The following NXPE2 variants were observed in gnomAD, a reference collection of about 807,000 sequenced individuals.
NXPE2 encodes the protein NXPE family member 2.
In NXPE2, 34 loss-of-function variants were observed where a neutral mutation model predicts 34.4. The ratio of observed to expected loss-of-function variants is 0.99; its 90% CI spans 0.75 to 1.31. The LOEUF is 1.31. Among genes scored for constraint, NXPE2 ranks in the 40% most tolerant of loss-of-function variants. The pLI is 0.00. For missense variants in NXPE2, 649 were observed against 672.5 expected, an observed-to-expected ratio of 0.97 and a Z score of 0.39; for synonymous variants, 235 against 231.3, an observed-to-expected ratio of 1.02 and a Z score of -0.15.
the NXPE2 span, among the ~76,000 whole-genome samples, chr11:114,466,448 G>A: frequency 3.3e-5 from 5 of 152,038 alleles, no homozygotes; most frequent in Non-Finnish European, 2.9e-5. Context: ...CTGTTTCCTT[G>A]TCCCCTGGTG....
At chr11:114,489,332 C>T in the NXPE2 span, among the ~76,000 whole-genome samples, 9 of 151,634 alleles carry the variant, frequency 5.9e-5, no homozygotes, top group Admixed American at 2.6e-4. Flanking sequence ...CAGTAGAAAA[C>T]GGGAATCCTC....
At chr11:114,653,533 CTTT>C in the NXPE2 span, among the ~76,000 whole-genome samples, 7 of 103,502 alleles carry the variant, frequency 6.8e-5, no homozygotes, top group Admixed American at 1.1e-4. Context: ...CCTGCTTTCC[CTTT>C]TTTTTTTTTT....
chr11:114,705,363 C>T (rs1411900473), intron 4 of NXPE2, among the ~76,000 whole-genome samples: 1 of 152,166 alleles, frequency 6.6e-6, no homozygotes, highest in Non-Finnish European at 1.5e-5. Context: ...AGCTTCTTTT[C>T]CTGGATTAGT....
chr11:114,519,145 A>G, the NXPE2 span, among the ~76,000 whole-genome samples: 1 of 152,214 alleles, frequency 6.6e-6, no homozygotes, highest in Admixed American at 6.5e-5. Flanking sequence ...AGCCTTTTAT[A>G]TGACAAATGT....
At chr11:114,581,105 T>G in the NXPE2 span, among the ~76,000 whole-genome samples, 1 of 152,208 alleles carries the variant, frequency 6.6e-6, no homozygotes, top group Non-Finnish European at 1.5e-5. Flanking sequence ...AGCAAGGCTT[T>G]CTTTCTTTTT....
the NXPE2 span, among the ~76,000 whole-genome samples, chr11:114,613,570 G>A: frequency 2.0e-5 from 3 of 151,866 alleles, no homozygotes; most frequent in Admixed American, 6.6e-5. Flanking sequence ...TGCCTATTGG[G>A]TAACCACTGT....
the NXPE2 span, among the ~76,000 whole-genome samples, chr11:114,716,253 C>A: frequency 6.6e-6 from 1 of 152,124 alleles, no homozygotes; most frequent in African/African-American, 2.4e-5. Context: ...TCATCAGCAG[C>A]CTGATTACCT....
the NXPE2 span, among the ~76,000 whole-genome samples, chr11:114,498,676 T>A: frequency 2.0e-5 from 3 of 152,152 alleles, no homozygotes; most frequent in African/African-American, 7.2e-5. Flanking sequence ...GCTTTTGTAT[T>A]TATTTTAATA....
At chr11:114,638,650 T>A in the NXPE2 span, among the ~76,000 whole-genome samples, 1 of 152,108 alleles carries the variant, frequency 6.6e-6, no homozygotes, top group Non-Finnish European at 1.5e-5. Flanking sequence ...TTGGTGTGGA[T>A]GTCCTTTCTG....
the NXPE2 span, among the ~76,000 whole-genome samples, chr11:114,803,655 C>A: frequency 6.6e-6 from 1 of 151,406 alleles, no homozygotes; most frequent in African/African-American, 2.4e-5. Flanking sequence ...GGGTTCACTG[C>A]AACCTCCACC....
chr11:114,611,995 G>A, the NXPE2 span, among the ~76,000 whole-genome samples: 2 of 151,912 alleles, frequency 1.3e-5, no homozygotes, highest in Admixed American at 6.6e-5. Context: ...TTACCCAGTG[G>A]ATAATAAGTC....
the NXPE2 span, among the ~76,000 whole-genome samples, chr11:114,493,661 T>C: frequency 2.0e-5 from 3 of 152,196 alleles, no homozygotes; most frequent in African/African-American, 7.2e-5. Context: ...TTATTTATAC[T>C]GTATACTATG....
At chr11:114,544,686 A>G in the NXPE2 span, among the ~76,000 whole-genome samples, 1 of 152,180 alleles carries the variant, frequency 6.6e-6, no homozygotes, top group African/African-American at 2.4e-5. Context: ...GAAATAATAT[A>G]AAAAGCACAA....
the NXPE2 span, among the ~76,000 whole-genome samples, chr11:114,650,097 A>G: frequency 6.6e-6 from 1 of 152,228 alleles, no homozygotes; most frequent in South Asian, 2.1e-4. Flanking sequence ...GGTAATATAC[A>G]AAAGTGTAAC....
the NXPE2 span, among the ~76,000 whole-genome samples, chr11:114,536,281 CAG>C: frequency 7.4e-4 from 112 of 152,138 alleles, no homozygotes; most frequent in Non-Finnish European, 1.3e-3. Context: ...ATATTCAAAG[CAG>C]TGTGTAGAGG....
the NXPE2 span, among the ~76,000 whole-genome samples, chr11:114,604,639 C>T: frequency 4.3e-3 from 648 of 152,044 alleles, 6 homozygotes; most frequent in South Asian, 5.6e-3. Context: ...TGTGGGTAAC[C>T]GCTGTTACCC....
the NXPE2 span, among the ~76,000 whole-genome samples, chr11:114,567,345 C>T: frequency 6.6e-6 from 1 of 151,970 alleles, no homozygotes; most frequent in Admixed American, 6.6e-5. Flanking sequence ...TCATGATTGC[C>T]TGAACCCTGC....
chr11:114,633,199 T>G, the NXPE2 span, among the ~76,000 whole-genome samples: 8 of 129,982 alleles, frequency 6.2e-5, no homozygotes, highest in African/African-American at 2.4e-4. Context: ...TTATTATGTA[T>G]AAACATGTAT....
the NXPE2 span, among the ~76,000 whole-genome samples, chr11:114,659,358 T>C: frequency 7.2e-5 from 11 of 151,852 alleles, no homozygotes; most frequent in Non-Finnish European, 1.5e-4. Context: ...TTGATGGCCT[T>C]ATCAGAAGAG....
Sources: gnomAD v4.1 joint callset for allele counts (sites outside exome capture counted in the v4.1 genomes callset) on GRCh38, gnomAD v4.1.1 for gene constraint, MANE v1.5 for transcripts, NCBI Gene and HGNC (gene_info 2026-07-23, HGNC 2026-07-21) for gene names.